NCSTN: variants seen among roughly 807,000 people sequenced by gnomAD.
NCSTN encodes the protein nicastrin.
Under a neutral mutation model 87.0 loss-of-function variants are expected in NCSTN, and 22 were observed. That is an observed-to-expected ratio of 0.25 (90% CI 0.18 to 0.36). The LOEUF is 0.36. Ranked by LOEUF, NCSTN falls within the 10% of genes least tolerant of loss-of-function variation. The pLI is 1.00. For synonymous variants in NCSTN, 306 were observed against 327.1 expected (o/e 0.94, Z 0.69); for missense variants, 693 against 883.3 (o/e 0.78, Z 2.73).
In NCSTN at chr1:160,353,000, C is replaced by T. The variant is rs1283503191; in HGVS notation, c.1101+9C>T. 1 of 1,608,858 alleles carries T rather than the reference C, an allele frequency of 6.2e-7. No homozygotes were observed. Among genetic ancestry groups the T allele is most frequent in the Non-Finnish European group, 8.5e-7 (1 of 1,175,360 alleles). On this transcript the variant is annotated intron_variant, in intron 9 of 16. Coordinates refer to ENST00000294785, the MANE Select transcript of NCSTN (RefSeq NM_015331.3). Reference sequence around the variant, plus strand: ...TTGTGGAGCTGGGACAGGTATGTGGCATGTCCCCCAGCCCCTTCCTTTTTA... The same window carrying T: ...TTGTGGAGCTGGGACAGGTATGTGGTATGTCCCCCAGCCCCTTCCTTTTTA...
chr1:160,343,781 A>G (rs1158115772), intron 1 of NCSTN: 2 of 642,172 alleles, frequency 3.1e-6, no homozygotes, highest in African/African-American at 1.8e-5. Flanking sequence ...CCAGCCACCC[A>G]CCCCACAGTC....
chr1:160,343,602 C>A, intron 1 of NCSTN, 121 bp downstream of exon 1: 2 of 978,718 alleles, frequency 2.0e-6, no homozygotes, highest in Admixed American at 4.0e-5. Context: ...CCCTGTAAAT[C>A]CTCTTTCTTT....
intron 1 of NCSTN, chr1:160,343,988 C>G (rs1648289772): frequency 8.1e-6 from 2 of 246,064 alleles, no homozygotes; most frequent in South Asian, 3.3e-5. Context: ...ATCAGTAAAG[C>G]AAGAATAAGG....
chr1:160,349,585 A>G lies in NCSTN; in HGVS notation c.351A>G (p.Arg117=). 6.2e-7 allele frequency: 1 copy of G among 1,614,136 alleles called. No homozygotes were observed. Among genetic ancestry groups the G allele is most frequent in the Non-Finnish European group, 8.5e-7 (1 of 1,179,976 alleles). ...LMEKLKGRTS[R]IAGLAVSLTK... is the part of the protein sequence containing the mutation. ...AGAAGCTGAAAGGGAGAACCAGCCG[A>G]ATTGCTGGTCTTGCAGTGTCCTTGA... Residue 117 remains arginine, a synonymous_variant, in exon 4 of 17, where the codon CGA becomes CGG. Transcript: ENST00000294785.
intron 5 of NCSTN, among the ~76,000 whole-genome samples, chr1:160,350,542 G>C (rs1648780277): frequency 6.6e-6 from 1 of 151,538 alleles, no homozygotes; most frequent in Non-Finnish European, 1.5e-5. Context: ...AAAGACGGTT[G>C]CTCCAAAAAG....
chr1:160,357,151 T>C lies in NCSTN; in HGVS notation c.1905T>C (p.Phe635=). The change falls in exon 16 of 17, where the codon TTT becomes TTC. Residue 635 remains phenylalanine, a synonymous_variant. Transcript: ENST00000294785. Reference sequence around the variant, plus strand: ...TAGCCAGGGCCTTGTCTCCTGCCTTTGAACTGAGTCAGTGGAGCTCTACTG... The same window carrying C: ...TAGCCAGGGCCTTGTCTCCTGCCTTCGAACTGAGTCAGTGGAGCTCTACTG... ...ARLARALSPA[F]ELSQWSSTEY... 1 of 1,614,148 alleles carries C rather than the reference T, an allele frequency of 6.2e-7. No homozygotes were observed. The highest frequency in any genetic ancestry group is 8.5e-7 in the Non-Finnish European group (1 of 1,180,010).
chr1:160,348,293 A>G (rs1294621696), intron 2 of NCSTN, among the ~76,000 whole-genome samples: 1 of 152,186 alleles, frequency 6.6e-6, no homozygotes, highest in East Asian at 1.9e-4. Flanking sequence ...CACATAGAAA[A>G]TGTTATTTGT....
chr1:160,352,907 C>T lies in NCSTN; in HGVS notation c.1017C>T (p.Gly339=), dbSNP rs1349861656. The change falls in exon 9 of 17, where the codon GGC becomes GGT. Residue 339 remains glycine (G), a synonymous_variant. Transcript: ENST00000294785. ...FFQGETFDYI[G]SSRMVYDMEK... Reference sequence around the variant, plus strand: ...CTCAGGAAACTTTTGACTACATTGGCAGCTCGAGGATGGTCTACGATATGG... The same window carrying T: ...CTCAGGAAACTTTTGACTACATTGGTAGCTCGAGGATGGTCTACGATATGG... 2 of 1,614,004 alleles carry T rather than the reference C, an allele frequency of 1.2e-6. No homozygotes were observed. The highest frequency in any genetic ancestry group is 1.7e-6 in the Non-Finnish European group (2 of 1,179,996).
chr1:160,350,456 A>G (rs908372446), intron 5 of NCSTN, among the ~76,000 whole-genome samples: 1 of 146,970 alleles, frequency 6.8e-6, no homozygotes, highest in African/African-American at 2.5e-5. Context: ...TGTGTCACAA[A>G]AAAAAAAAAA....
rs867658852 is a variant in NCSTN at position 160,345,939 on chromosome 1, A to G, written c.190+1113A>G. Among the ~76,000 whole-genome samples, 334 of 39,858 alleles carry G rather than the reference A, an allele frequency of 8.4e-3. 1 individual carries two copies. Among genetic ancestry groups the G allele is most frequent in the Middle Eastern group, 0.029 (2 of 70 alleles). 26.1% of individuals were successfully genotyped at this position (39,858 alleles called of 152,430 possible). A position where few individuals can be genotyped will look rare whatever the true frequency, so the allele number is the denominator to read the frequency against. On this transcript the variant is annotated intron_variant, in intron 2 of 16. Transcript: ENST00000294785. ...AGGTGACAGAGTGAGACACTGTCTGAAAAAAAAAAAAAAAAAAAAAAAGAA... is the reference window on the plus strand; with the variant it reads ...AGGTGACAGAGTGAGACACTGTCTGGAAAAAAAAAAAAAAAAAAAAAAGAA...
chr1:160,351,195 C>G (rs201876515), intron 5 of NCSTN, 27 bp from the exon 6 acceptor site: 11 of 1,613,750 alleles, frequency 6.8e-6, no homozygotes, highest in South Asian at 1.1e-5. Context: ...AACTAGCTGT[C>G]TCAGTGGGGT....
chr1:160,344,420 A>C, intron 1 of NCSTN: 3 of 1,448,690 alleles, frequency 2.1e-6, no homozygotes, highest in Non-Finnish European at 2.7e-6. Context: ...TGCAACCAGA[A>C]TCTGGCAAAT....
rs201845998 is a variant in NCSTN, at chr1:160,350,174, A to G, written c.506A>G (p.Asn169Ser). The G allele has an allele frequency of 1.3e-5, 21 of 1,613,996 alleles. No individual in the cohort carries two copies. The highest frequency in any genetic ancestry group is 1.6e-4 in the Middle Eastern group (1 of 6,084). ...CREIQWNSLG[N>S]GLAYEDFSFP... Reference sequence around the variant, plus strand: ...GAAATACAGTGGAATTCGCTGGGCAATGGTTTGGCTTATGAAGACTTTAGT... The same window carrying G: ...GAAATACAGTGGAATTCGCTGGGCAGTGGTTTGGCTTATGAAGACTTTAGT... The change falls in exon 5 of 17, where the codon AAT becomes AGT. Residue 169 changes from asparagine to serine, a missense_variant. By Grantham distance (46) the Asn-to-Ser change is conservative. Transcript: ENST00000294785.
At chr1:160,349,477 A>G (rs1391665816) in intron 3 of NCSTN, 72 bp from the exon 4 acceptor site, 1 of 1,597,902 alleles carries the variant, frequency 6.3e-7, no homozygotes, top group Non-Finnish European at 8.6e-7. Context: ...ATTTGTTTCC[A>G]TCCTGCAGGC....
intron 14 of NCSTN, 104 bp downstream of exon 14, chr1:160,356,451 T>C: frequency 7.0e-7 from 1 of 1,429,774 alleles, no homozygotes; most frequent in East Asian, 2.3e-5. Context: ...CTCTCTGTTT[T>C]TCTTACCCCC....
chr1:160,348,683 G>C (rs569631360), intron 2 of NCSTN, among the ~76,000 whole-genome samples: 71 of 152,330 alleles, frequency 4.7e-4, no homozygotes, highest in African/African-American at 1.6e-3. Context: ...ATATAGGTTT[G>C]AAAACTTTGG....
At chr1:160,353,802 A>G (rs1571208348) in intron 10 of NCSTN, 1 of 818,870 alleles carries the variant, frequency 1.2e-6, no homozygotes, top group African/African-American at 1.9e-5. Flanking sequence ...GCTCCCTTCA[A>G]TTCTGCACAA....
At chr1:160,350,064 T>C (rs1648750337) in intron 4 of NCSTN, 41 bp from the exon 5 acceptor site, 1 of 1,605,204 alleles carries the variant, frequency 6.2e-7, no homozygotes, top group Admixed American at 1.7e-5. Flanking sequence ...GTACTTGGTG[T>C]CCCAGTAACC....
At chr1:160,350,395 T>C (rs1648770021) in intron 5 of NCSTN, 145 bp downstream of exon 5, 3 of 821,632 alleles carry the variant, frequency 3.7e-6, no homozygotes, top group Non-Finnish European at 5.9e-6. Context: ...GAGGTTTCAG[T>C]GAGCTGAGAT....
Sources: allele counts gnomAD v4.1 joint callset (sites outside exome capture counted in the v4.1 genomes callset), GRCh38; gene constraint gnomAD v4.1.1; transcripts MANE v1.5; gene names NCBI Gene and HGNC (gene_info 2026-07-23, HGNC 2026-07-21).